LINGO2: variants seen among roughly 807,000 people sequenced by gnomAD.
LINGO2 encodes the protein leucine-rich repeat and immunoglobulin-like domain-containing nogo receptor-interacting protein 2.
In LINGO2, 14 loss-of-function variants were observed where a neutral mutation model predicts 30.6. That is an observed-to-expected ratio of 0.46 (90% confidence interval 0.30 to 0.72). The LOEUF (loss-of-function observed/expected upper bound fraction) is 0.72. Ranked by LOEUF, LINGO2 falls within the 30% of genes least tolerant of loss-of-function variation. The pLI is 0.07. For synonymous variants in LINGO2, 317 were observed against 288.5 expected (o/e 1.10, Z -1.00); for missense variants, 729 against 751.7 (o/e 0.97, Z 0.35).
chr9:28,589,661 C>G (rs975076949), intron 1 of LINGO2, among the ~76,000 whole-genome samples: 6 of 152,000 alleles, frequency 3.9e-5, no homozygotes, highest in African/African-American at 9.7e-5. Context: ...AGGATACAAA[C>G]AAATGGAAGA....
At chr9:28,273,704 A>G (rs1362094714) in intron 4 of LINGO2, among the ~76,000 whole-genome samples, 2 of 152,232 alleles carry the variant, frequency 1.3e-5, no homozygotes, top group Non-Finnish European at 2.9e-5. Context: ...TAATGGTCCC[A>G]TAAAATCCAG....
chr9:28,921,562 C>T, the LINGO2 span, among the ~76,000 whole-genome samples: 1 of 152,084 alleles, frequency 6.6e-6, no homozygotes, highest in African/African-American at 2.4e-5. Flanking sequence ...CTTGGTAGCT[C>T]GAGCAGTAAA....
intron 1 of LINGO2, among the ~76,000 whole-genome samples, chr9:28,568,397 C>T (rs191595669): frequency 6.6e-6 from 1 of 152,042 alleles, no homozygotes; most frequent in Admixed American, 6.5e-5. Flanking sequence ...ACCTGGATGA[C>T]AATCTAACCT....
intron 4 of LINGO2, among the ~76,000 whole-genome samples, chr9:28,239,330 C>CA (rs930418738): frequency 2.0e-5 from 3 of 151,646 alleles, no homozygotes; most frequent in Non-Finnish European, 2.9e-5. Context: ...AAAGATACAT[C>CA]AAAAAAAGAA....
At chr9:28,998,452 GATCT>G in the LINGO2 span, among the ~76,000 whole-genome samples, 1 of 151,920 alleles carries the variant, frequency 6.6e-6, no homozygotes, top group African/African-American at 2.4e-5. Flanking sequence ...GTAATCTATT[GATCT>G]ATCTGGAATG....
At chr9:28,803,215 G>A in the LINGO2 span, among the ~76,000 whole-genome samples, 2 of 151,956 alleles carry the variant, frequency 1.3e-5, no homozygotes, top group Non-Finnish European at 2.9e-5. Flanking sequence ...ATCAGATTAA[G>A]TGGATTACAA....
At chr9:29,068,814 T>C in the LINGO2 span, among the ~76,000 whole-genome samples, 23 of 152,052 alleles carry the variant, frequency 1.5e-4, no homozygotes, top group South Asian at 3.5e-3. Flanking sequence ...AGCACAAATA[T>C]AGTATTAGCA....
chr9:28,854,595 A>G, the LINGO2 span, among the ~76,000 whole-genome samples: 1 of 151,982 alleles, frequency 6.6e-6, no homozygotes, highest in Non-Finnish European at 1.5e-5. Context: ...CACAATATTT[A>G]AATATATAGA....
rs117314532 is a variant in LINGO2, at chr9:28,165,345, G to A, written c.-87+129863C>T. Among the ~76,000 whole-genome samples the A allele has an allele frequency of 7.3e-3, 1,111 of 152,268 alleles. 5 individuals carry two copies. The highest frequency in any genetic ancestry group is 0.012 in the Admixed American group (177 of 15,290). On this transcript the variant is annotated intron_variant, in intron 4 of 5. Transcript: ENST00000379992. ...TCTTCACTGAACTCAGAGACCCTGT[G>A]ACATGCTGGGGAGATCCAGGGATTT...
intron 4 of LINGO2, among the ~76,000 whole-genome samples, chr9:28,063,115 G>T (rs936807227): frequency 1.3e-5 from 2 of 152,092 alleles, no homozygotes; most frequent in African/African-American, 2.4e-5. Flanking sequence ...AAGACCTCAC[G>T]AGCAGGCTAG....
intron 4 of LINGO2, among the ~76,000 whole-genome samples, chr9:28,161,959 A>G (rs143942963): frequency 4.7e-4 from 72 of 152,294 alleles, no homozygotes; most frequent in Non-Finnish European, 8.7e-4. Context: ...TCATTAATAT[A>G]TTTTTAATAG....
chr9:29,180,353 A>G, the LINGO2 span, among the ~76,000 whole-genome samples: 1 of 152,216 alleles, frequency 6.6e-6, no homozygotes. Context: ...ATAGTTTCCC[A>G]CGTTATACAT....
At chr9:29,148,156 A>G in the LINGO2 span, among the ~76,000 whole-genome samples, 8 of 152,198 alleles carry the variant, frequency 5.3e-5, no homozygotes, top group Middle Eastern at 3.4e-3. Flanking sequence ...ATATGTTTCA[A>G]TGTGTATGTC....
rs145394569 is a variant in LINGO2 at position 28,136,119 on chromosome 9, T to C, written c.-86-123714A>G. 4.5e-3 allele frequency among the ~76,000 whole-genome samples: 682 copies of C among 152,350 alleles called. 10 individuals are homozygous for C. Among genetic ancestry groups the C allele is most frequent in the African/African-American group, 0.016 (649 of 41,580 alleles). On this transcript the variant is annotated intron_variant, in intron 4 of 5. Transcript: ENST00000379992. ...TCTGACAGACTCCATTAAGAGCATT[T>C]AACCAACTTTAAGTCTTTGTATACC... is the stretch of plus-strand genomic sequence containing the variant.
chr9:28,720,168 T>G, the LINGO2 span, among the ~76,000 whole-genome samples: 1 of 152,078 alleles, frequency 6.6e-6, no homozygotes, highest in Non-Finnish European at 1.5e-5. Flanking sequence ...CACACTTAAT[T>G]TGACATATAT....
At chr9:29,183,227 G>T in the LINGO2 span, among the ~76,000 whole-genome samples, 1 of 152,150 alleles carries the variant, frequency 6.6e-6, no homozygotes, top group African/African-American at 2.4e-5. Context: ...AAGAGATTTT[G>T]TTTGAGTAAG....
At chr9:29,096,199 A>G in the LINGO2 span, among the ~76,000 whole-genome samples, 4 of 139,632 alleles carry the variant, frequency 2.9e-5, 1 homozygote, top group East Asian at 9.8e-4. Flanking sequence ...GCTCTGCTAT[A>G]GAGTGATTTT....
At chr9:29,063,000 A>G in the LINGO2 span, among the ~76,000 whole-genome samples, 3 of 152,128 alleles carry the variant, frequency 2.0e-5, no homozygotes, top group Non-Finnish European at 4.4e-5. Context: ...TGGACATCCT[A>G]TATATCTAGA....
the LINGO2 span, among the ~76,000 whole-genome samples, chr9:28,885,388 C>CATATAT: frequency 1.2e-5 from 1 of 82,602 alleles, no homozygotes; most frequent in African/African-American, 3.7e-5. Context: ...TATATATACA[C>CATATAT]ATACATACAT....
Sources: gnomAD v4.1 joint callset for allele counts (sites outside exome capture counted in the v4.1 genomes callset) on GRCh38, gnomAD v4.1.1 for gene constraint, MANE v1.5 for transcripts, NCBI Gene and HGNC (gene_info 2026-07-23, HGNC 2026-07-21) for gene names.